CTNND2: variants seen among roughly 807,000 people sequenced by gnomAD.
CTNND2 encodes the protein catenin delta-2.
A neutral mutation model predicts 144.4 loss-of-function variants in CTNND2; 22 were observed. The observed-to-expected ratio is 0.15, with a 90% confidence interval of 0.11 to 0.22. The LOEUF (loss-of-function observed/expected upper bound fraction) is 0.22. CTNND2 is among the 10% of genes least tolerant of loss of function. CTNND2 has a pLI of 1.00. For synonymous variants in CTNND2, 751 were observed against 695.6 expected (o/e 1.08, Z -1.25); for missense variants, 1,353 against 1,618.8 (o/e 0.84, Z 2.82).
intron 9 of CTNND2, among the ~76,000 whole-genome samples, chr5:11,335,010 C>T (rs1322994715): frequency 6.6e-6 from 1 of 152,156 alleles, no homozygotes; most frequent in Non-Finnish European, 1.5e-5. Context: ...TGCTGAATTT[C>T]CCACTGGTAT....
intron 5 of CTNND2, among the ~76,000 whole-genome samples, chr5:11,402,313 A>T (rs1561340473): frequency 1.3e-5 from 2 of 152,240 alleles, no homozygotes; most frequent in Non-Finnish European, 2.9e-5. Flanking sequence ...ATATTAAGTA[A>T]GAATAAAGGA....
At chr5:11,231,243 C>T (rs1446480654) in intron 10 of CTNND2, among the ~76,000 whole-genome samples, 2 of 152,050 alleles carry the variant, frequency 1.3e-5, no homozygotes, top group Non-Finnish European at 2.9e-5. Flanking sequence ...ATAACCCAGT[C>T]TTGAGTAGAT....
At chr5:11,086,307 G>A (rs539610285) in intron 15 of CTNND2, among the ~76,000 whole-genome samples, 35 of 152,228 alleles carry the variant, frequency 2.3e-4, no homozygotes, top group African/African-American at 8.4e-4. Context: ...GTCCATGTGT[G>A]TCCTGGAGAA....
At chr5:11,220,991 A>G (rs771643837) in intron 10 of CTNND2, among the ~76,000 whole-genome samples, 8 of 152,232 alleles carry the variant, frequency 5.3e-5, no homozygotes, top group Non-Finnish European at 7.3e-5. Flanking sequence ...GTCATGCAAG[A>G]GGCAAATTAA....
At chr5:11,488,102 G>T (rs1437865240) in intron 3 of CTNND2, among the ~76,000 whole-genome samples, 1 of 152,142 alleles carries the variant, frequency 6.6e-6, no homozygotes, top group Non-Finnish European at 1.5e-5. Context: ...CCAGCCTACT[G>T]CCTATGATCT....
intron 2 of CTNND2, among the ~76,000 whole-genome samples, chr5:11,661,626 TA>T (rs890236031): frequency 1.5e-4 from 23 of 151,710 alleles, no homozygotes; most frequent in African/African-American, 3.4e-4. Flanking sequence ...TACAGATCTT[TA>T]AAAAAAAATC....
At chr5:11,650,941 C>T (rs186930894) in intron 2 of CTNND2, among the ~76,000 whole-genome samples, 1 of 152,244 alleles carries the variant, frequency 6.6e-6, no homozygotes, top group East Asian at 1.9e-4. Context: ...GCAGCCTAAC[C>T]ATGTGGTAGA....
At chr5:11,416,868 T>C (rs76826419) in intron 3 of CTNND2, among the ~76,000 whole-genome samples, 6 of 152,316 alleles carry the variant, frequency 3.9e-5, no homozygotes, top group African/African-American at 1.4e-4. Context: ...AAAAAGACTA[T>C]AGACATAATT....
At position 11,192,313 on chromosome 5, in the gene CTNND2, G is replaced by A. The variant is rs573845198; in HGVS notation, c.1975+7135C>T. On this transcript the variant is annotated intron_variant, in intron 11 of 21. Transcript: ENST00000304623. ...ACACAACACCAGGCTGGCATCCCCC[G>A]ACTAAATCCAAGGGGTCTCCATGTG... Among the ~76,000 whole-genome samples the A allele has an allele frequency of 1.1e-4, 17 of 152,250 alleles. No individual in the cohort carries two copies. The East Asian group carries it at 2.1e-3, about 19-fold the overall frequency.
chr5:11,608,717 CT>C (rs1353753882), intron 2 of CTNND2, among the ~76,000 whole-genome samples: 1 of 152,162 alleles, frequency 6.6e-6, no homozygotes, highest in African/African-American at 2.4e-5. Flanking sequence ...CTTGCACCCC[CT>C]GACACCCACC....
chr5:11,853,718 G>A (rs143894171), intron 1 of CTNND2, among the ~76,000 whole-genome samples: 5 of 152,122 alleles, frequency 3.3e-5, no homozygotes, highest in African/African-American at 1.2e-4. Flanking sequence ...AGTTTCTGAG[G>A]CCAAAAATCT....
At chr5:11,527,397 T>C (rs1465417947) in intron 3 of CTNND2, among the ~76,000 whole-genome samples, 1 of 152,150 alleles carries the variant, frequency 6.6e-6, no homozygotes, top group East Asian at 1.9e-4. Context: ...TGCCCCACAG[T>C]ACCTCTTTCA....
chr5:11,528,454 G>A (rs1023703603), intron 3 of CTNND2, among the ~76,000 whole-genome samples: 1 of 152,170 alleles, frequency 6.6e-6, no homozygotes, highest in African/African-American at 2.4e-5. Context: ...ATATTCAAGA[G>A]TTCGTCCTCC....
At chr5:11,726,301 A>G (rs1787014772) in intron 2 of CTNND2, among the ~76,000 whole-genome samples, 1 of 152,314 alleles carries the variant, frequency 6.6e-6, no homozygotes, top group East Asian at 1.9e-4. Flanking sequence ...GTTTGAAATA[A>G]TATTAAATGA....
Position 11,397,170 on chromosome 5 carries a change from A to G in CTNND2, c.473T>C (p.Leu158Pro). 4.3e-6 allele frequency: 7 copies of G among 1,614,184 alleles called. No individual in the cohort carries two copies. The highest frequency in any genetic ancestry group is 5.9e-6 in the Non-Finnish European group (7 of 1,180,024). The change falls in exon 6 of 22, where the codon CTC (leucine) becomes CCC (proline). Residue 158 changes from leucine (L) to proline (P), a missense_variant. Transcript: ENST00000304623. ...GAAAGACCCTTCAGGTTTGGAATTG[A>G]GCTGAAGTGCACTCTGGGAGAGCAG... ...PSLLSQSALQLNSKPEGSFQY... is the reference protein window; with the variant it reads ...PSLLSQSALQPNSKPEGSFQY...
intron 2 of CTNND2, among the ~76,000 whole-genome samples, chr5:11,583,401 T>C (rs540538121): frequency 6.6e-6 from 1 of 152,264 alleles, no homozygotes; most frequent in East Asian, 1.9e-4. Context: ...AAAATCTAAG[T>C]GAGATGCTTA....
chr5:11,383,557 A>AC (rs1758741880), intron 7 of CTNND2, among the ~76,000 whole-genome samples: 1 of 152,138 alleles, frequency 6.6e-6, no homozygotes. Context: ...GGGCAGTGGC[A>AC]CCCTAGCCTG....
chr5:11,249,049 G>A (rs1181521312), intron 9 of CTNND2, among the ~76,000 whole-genome samples: 1 of 152,230 alleles, frequency 6.6e-6, no homozygotes, highest in African/African-American at 2.4e-5. Context: ...AAAGCTGTCA[G>A]CCTCTAGTAC....
intron 8 of CTNND2, among the ~76,000 whole-genome samples, chr5:11,350,903 G>C (rs929420461): frequency 5.3e-5 from 8 of 152,212 alleles, no homozygotes; most frequent in Admixed American, 3.3e-4. Flanking sequence ...AATATGTAGA[G>C]AATATTAAAT....
Sources: gnomAD v4.1 joint callset for allele counts (sites outside exome capture counted in the v4.1 genomes callset) on GRCh38, gnomAD v4.1.1 for gene constraint, MANE v1.5 for transcripts, NCBI Gene and HGNC (gene_info 2026-07-23, HGNC 2026-07-21) for gene names.